RELL1: variants seen among roughly 807,000 people sequenced by gnomAD.
The protein encoded by RELL1 is RELT like 1, also known as RELT-like protein 1.
Under a neutral mutation model 23.0 loss-of-function variants are expected in RELL1, and 10 were observed. That is an observed-to-expected ratio of 0.43 (90% CI 0.27 to 0.74). RELL1 has a LOEUF of 0.74. Among genes scored for constraint, RELL1 ranks in the 30% least tolerant of loss-of-function variants. The probability of loss-of-function intolerance (pLI) is 0.19; values close to 1 mark genes in which losing one functional copy is unlikely to be tolerated. For missense variants in RELL1, 315 were observed against 364.4 expected (o/e 0.86, Z 1.10); for synonymous variants, 146 against 146.8 (o/e 0.99, Z 0.04).
At chr4:37,653,371 T>TATTGAAACCTCAATACAAGTATTGAAACC (rs1560348756) in intron 1 of RELL1, among the ~76,000 whole-genome samples, 1,472 of 52,440 alleles carry the variant, frequency 0.028, 50 homozygotes, top group Admixed American at 0.033. Context: ...AACCTCAATA[T>TATTGAAACCTCAATACAAGTATTGAAACC]TCAATACAAG....
intron 6 of RELL1, among the ~76,000 whole-genome samples, chr4:37,615,133 C>A (rs1023186447): frequency 6.6e-6 from 1 of 152,140 alleles, no homozygotes; most frequent in South Asian, 2.1e-4. Flanking sequence ...CAGTATGCTC[C>A]GAAAGGTTAA....
intron 5 of RELL1, 68 bp downstream of exon 5, chr4:37,634,819 T>C (rs1239881792): frequency 1.1e-5 from 14 of 1,268,340 alleles, no homozygotes; most frequent in South Asian, 2.4e-5. Context: ...ATCTGACAGG[T>C]AAGCAGAAGT....
Position 37,634,930 on chromosome 4 carries a change from T to C in RELL1, c.637A>G (p.Arg213Gly). The C allele has an allele frequency of 6.2e-7, 1 of 1,614,272 alleles. No homozygotes were observed. The highest frequency in any genetic ancestry group is 8.5e-7 in the Non-Finnish European group (1 of 1,180,054). Reference protein sequence around the residue: ...IKPTNKSRESRPRRQGEVTVL... With the variant: ...IKPTNKSRESGPRRQGEVTVL... ...GTGACCTCGCCTTGGCGCCGTGGTC[T>C]GCTCTCTCTGGACTTGTTAGTGGGC... is the stretch of plus-strand genomic sequence containing the variant. The change falls in exon 5 of 7, where the codon AGA becomes GGA. Residue 213 changes from arginine (R) to glycine (G), a missense_variant. Physicochemically the swap from Arg to Gly is moderately radical, Grantham distance 125. Coordinates refer to ENST00000454158, the MANE Select transcript of RELL1 (RefSeq NM_001085400.2).
chr4:37,663,448 T>C (rs1330488353), intron 1 of RELL1, among the ~76,000 whole-genome samples: 2 of 152,174 alleles, frequency 1.3e-5, no homozygotes, highest in Non-Finnish European at 2.9e-5. Context: ...GCTTCAGAAA[T>C]CTAATATTTG....
chr4:37,633,195 G>A (rs1276556512), intron 5 of RELL1, among the ~76,000 whole-genome samples: 1 of 152,040 alleles, frequency 6.6e-6, no homozygotes, highest in Non-Finnish European at 1.5e-5. Context: ...GATCACTTGA[G>A]GTCAGGAGTT....
chr4:37,631,629 A>G lies in RELL1; in HGVS notation c.681-106T>C, dbSNP rs1720138188. ...CAGAGGATCTCAAATGAACTCAGCC[A>G]AAAGTTAGGACACAAATGAAAAACA... On this transcript the variant is annotated intron_variant, in intron 5 of 6. Coordinates refer to ENST00000454158, the MANE Select transcript of RELL1 (RefSeq NM_001085400.2). The G allele has an allele frequency of 2.4e-6, 3 of 1,241,726 alleles. No homozygotes were observed. In the East Asian group the frequency reaches 7.2e-5, roughly 30 times the overall value. 76.9% of individuals were successfully genotyped at this position (1,241,726 alleles called of 1,614,324 possible). A position where few individuals can be genotyped will look rare whatever the true frequency, so the allele number is the denominator to read the frequency against.
In RELL1 at chr4:37,624,695, C is replaced by T. The variant is rs1170835081; in HGVS notation, c.*3+6690G>A. ...CCGCCCACCTCGGCCTCCCACAGTG[C>T]TGGGATTACAGGCGTGAGCCACCGC... is the stretch of plus-strand genomic sequence containing the variant. On this transcript the variant is annotated intron_variant, in intron 6 of 6. Coordinates refer to ENST00000454158, the MANE Select transcript of RELL1 (RefSeq NM_001085400.2). Among the ~76,000 whole-genome samples, 33 of 152,068 alleles carry T rather than the reference C, an allele frequency of 2.2e-4. 1 individual carries two copies. Among genetic ancestry groups the T allele is most frequent in the Admixed American group, 2.2e-3 (33 of 15,282 alleles).
chr4:37,650,130 C>T (rs989871038), intron 1 of RELL1, among the ~76,000 whole-genome samples: 1 of 152,182 alleles, frequency 6.6e-6, no homozygotes, highest in Non-Finnish European at 1.5e-5. Flanking sequence ...AATATTCACC[C>T]ACATGCCAGG....
At chr4:37,637,920 G>A (rs1218275290) in intron 4 of RELL1, among the ~76,000 whole-genome samples, 1 of 152,118 alleles carries the variant, frequency 6.6e-6, no homozygotes, top group Non-Finnish European at 1.5e-5. Flanking sequence ...AATGCTTAAG[G>A]TACTCTGTAT....
intron 1 of RELL1, among the ~76,000 whole-genome samples, chr4:37,669,419 G>GC (rs1333681493): frequency 8.3e-4 from 124 of 149,582 alleles, no homozygotes; most frequent in African/African-American, 2.8e-3. Context: ...GGGGGGGTCA[G>GC]CCCCCCACCC....
Position 37,610,662 on chromosome 4 carries a change from G to A in RELL1, c.*2684C>T, listed in dbSNP as rs376021831. On this transcript the variant is annotated 3_prime_UTR_variant, in exon 7 of 7. Coordinates refer to ENST00000454158, the MANE Select transcript of RELL1 (RefSeq NM_001085400.2). This position sits in a 1 kb window ranked among gnomAD's most constrained non-coding sequence, Gnocchi z 4.1. ...GTTTAACATTTTTATTTTTAACTCCGCTTTGGTAGTACAAAAGTCATAAAA... is the reference window on the plus strand; with the variant it reads ...GTTTAACATTTTTATTTTTAACTCCACTTTGGTAGTACAAAAGTCATAAAA... Among the ~76,000 whole-genome samples the A allele has an allele frequency of 2.0e-5, 3 of 152,250 alleles. No homozygotes were observed. Among genetic ancestry groups the A allele is most frequent in the African/African-American group, 4.8e-5 (2 of 41,554 alleles).
rs556236116 is a variant in RELL1, at chr4:37,680,104, A to T, written c.88+6096T>A. 2.1e-4 allele frequency among the ~76,000 whole-genome samples: 32 copies of T among 152,374 alleles called. 1 individual carries two copies. In the East Asian group the frequency reaches 3.9e-3, roughly 18 times the overall value. ...CACACTTGCAAATGGCTCAAAAACT[A>T]GAAGAAAACAAAATCAACCTGATAG... On this transcript the variant is annotated intron_variant, in intron 1 of 6. Coordinates refer to ENST00000454158, the MANE Select transcript of RELL1 (RefSeq NM_001085400.2).
At chr4:37,686,084 C>G (rs1722398865) in intron 1 of RELL1, 116 bp downstream of exon 1, 2 of 899,906 alleles carry the variant, frequency 2.2e-6, no homozygotes, top group South Asian at 1.6e-5. Context: ...GCCGGGATCC[C>G]GCGGCTGTGC....
At chr4:37,606,954 G>A (rs921898578), downstream of RELL1, among the ~76,000 whole-genome samples, 1 of 152,172 alleles carries the variant, frequency 6.6e-6, no homozygotes, top group African/African-American at 2.4e-5. This position sits in a 1 kb window ranked among gnomAD's most constrained non-coding sequence, Gnocchi z 4.1. Flanking sequence ...TTGACATCAC[G>A]GGTAATATGT....
intron 3 of RELL1, among the ~76,000 whole-genome samples, chr4:37,639,869 T>C (rs529601440): frequency 1.6e-4 from 24 of 152,354 alleles, no homozygotes; most frequent in African/African-American, 5.8e-4. Flanking sequence ...TTAATTCTAG[T>C]TCCAACTGCT....
chr4:37,670,566 C>T lies in RELL1; in HGVS notation c.88+15634G>A, dbSNP rs115842899. Among the ~76,000 whole-genome samples the T allele has an allele frequency of 5.3e-3, 793 of 150,874 alleles. 10 individuals carry two copies. Among genetic ancestry groups the T allele is most frequent in the African/African-American group, 0.019 (761 of 40,484 alleles). On this transcript the variant is annotated intron_variant, in intron 1 of 6. Coordinates refer to ENST00000454158, the MANE Select transcript of RELL1 (RefSeq NM_001085400.2). ...ACAGCCTGATAATTTTTTTTCTTTC[C>T]CACTAAATCTTTTTTTTTTTTTGAG... is the stretch of plus-strand genomic sequence containing the variant.
At position 37,634,910 on chromosome 4, in the gene RELL1, C is replaced by T. The variant is rs749070365; in HGVS notation, c.657G>A (p.Glu219=). 19 of 1,614,162 alleles carry T rather than the reference C, an allele frequency of 1.2e-5. No homozygotes were observed. In the East Asian group the frequency reaches 3.8e-4, roughly 32 times the overall value. The stretch of plus-strand genomic sequence containing the variant: ...ACCTGCCAACAGAAAGGACCGTGAC[C>T]TCGCCTTGGCGCCGTGGTCTGCTCT... The part of the protein sequence containing the change: ...SRESRPRRQG[E]VTVLSVGRFR... Residue 219 remains glutamate, a synonymous_variant, in exon 5 of 7, where the codon GAG becomes GAA. Transcript: ENST00000454158.
At chr4:37,601,043 G>A (rs1368198384) in intron 6 of RELL1, among the ~76,000 whole-genome samples, 2 of 152,168 alleles carry the variant, frequency 1.3e-5, no homozygotes, top group Non-Finnish European at 2.9e-5. Context: ...ACAAACAGAG[G>A]AAGAGACCAT....
chr4:37,631,627 C>A, intron 5 of RELL1, 104 bp from the exon 6 acceptor site: 1 of 1,294,424 alleles, frequency 7.7e-7, no homozygotes, highest in Non-Finnish European at 1.1e-6. Context: ...ATGAACTCAG[C>A]CAAAAGTTAG....
Sources: gnomAD v4.1 joint callset for allele counts (sites outside exome capture counted in the v4.1 genomes callset) on GRCh38, gnomAD v4.1.1 for gene constraint, Gnocchi (gnomAD v3.1) non-coding constraint, MANE v1.5 for transcripts, NCBI Gene and HGNC (gene_info 2026-07-23, HGNC 2026-07-21) for gene names.